The following SERP2 variants were observed in gnomAD, a reference collection of about 807,000 sequenced individuals.
SERP2 encodes stress associated endoplasmic reticulum protein family member 2.
In SERP2, 6 loss-of-function variants were observed where a neutral mutation model predicts 9.1. That is an observed-to-expected ratio of 0.66 (90% confidence interval 0.36 to 1.30). SERP2 has a LOEUF of 1.30. SERP2 is among the 50% of genes most tolerant of loss of function. The pLI is 0.03. For synonymous variants in SERP2, 37 were observed against 27.3 expected (o/e 1.35, Z -1.10); for missense variants, 58 against 81.9 (o/e 0.71, Z 1.13).
At chr13:44,386,952 AT>A (rs1466632347) in intron 2 of SERP2, among the ~76,000 whole-genome samples, 2 of 152,224 alleles carry the variant, frequency 1.3e-5, no homozygotes, top group African/African-American at 4.8e-5. Flanking sequence ...TAATACAAGT[AT>A]TATCTTCCAT....
At chr13:44,395,143 T>C (rs910419380) in intron 2 of SERP2, among the ~76,000 whole-genome samples, 2 of 152,350 alleles carry the variant, frequency 1.3e-5, no homozygotes, top group South Asian at 4.1e-4. Flanking sequence ...TTTTTTTTCC[T>C]AATGTTGAAT....
intron 2 of SERP2, among the ~76,000 whole-genome samples, chr13:44,393,441 G>A (rs1872898464): frequency 6.6e-6 from 1 of 152,154 alleles, no homozygotes; most frequent in Non-Finnish European, 1.5e-5. Context: ...CCTTGACACA[G>A]GTAGGAGGAT....
intron 2 of SERP2, among the ~76,000 whole-genome samples, chr13:44,389,307 G>T (rs1872503343): frequency 6.6e-6 from 1 of 152,148 alleles, no homozygotes; most frequent in African/African-American, 2.4e-5. Flanking sequence ...CCTTGTCTAA[G>T]ATACTTACAC....
At chr13:44,381,434 C>G (rs954451023) in intron 2 of SERP2, among the ~76,000 whole-genome samples, 1 of 151,104 alleles carries the variant, frequency 6.6e-6, no homozygotes, top group African/African-American at 2.4e-5. Context: ...CCCAGCTACT[C>G]AGGAGGCTGA....
At chr13:44,390,382 T>A (rs1406646532) in intron 2 of SERP2, 1 of 444,894 alleles carries the variant, frequency 2.2e-6, no homozygotes, top group East Asian at 7.3e-5. Flanking sequence ...TGGCCTCTCC[T>A]GGAGACTGCC....
chr13:44,374,158 G>GT (rs1219988162), intron 1 of SERP2, 49 bp downstream of exon 1: 37 of 1,021,896 alleles, frequency 3.6e-5, no homozygotes, highest in African/African-American at 5.1e-5. Context: ...GCCCGGCGGG[G>GT]TGGGGCGGAA....
chr13:44,373,883 G>A lies in SERP2; in HGVS notation c.-143G>A, dbSNP rs1466830775. 6.3e-6 allele frequency: 4 copies of A among 634,516 alleles called. No individual in the cohort carries two copies. Among genetic ancestry groups the A allele is most frequent in the African/African-American group, 5.9e-5 (3 of 50,632 alleles). 39.3% of individuals were successfully genotyped at this position (634,516 alleles called of 1,614,324 possible). The stretch of plus-strand genomic sequence containing the variant: ...GGCTAGCCGGGGCTCGGGGAGCGGG[G>A]TGCGCAGGGCTCGGGGCCACGCCTT... On this transcript the variant is annotated 5_prime_UTR_variant, in exon 1 of 3. The change creates a new upstream start codon in the 5' untranslated region. Transcript: ENST00000379179. The surrounding 1 kb of genome is among the most constrained non-coding windows in gnomAD (Gnocchi z 4.8).
intron 1 of SERP2, among the ~76,000 whole-genome samples, chr13:44,374,447 G>A (rs941259223): frequency 2.0e-5 from 3 of 152,210 alleles, no homozygotes; most frequent in Non-Finnish European, 4.4e-5. Context: ...GGAGAAAGAC[G>A]GAAAGCCTCA....
rs920626081 is a variant in SERP2 at position 44,379,169 on chromosome 13, G to T, written c.85-472G>T. Among the ~76,000 whole-genome samples, 54 of 152,308 alleles carry T rather than the reference G, an allele frequency of 3.5e-4. 1 individual carries two copies. Among genetic ancestry groups the T allele is most frequent in the African/African-American group, 1.3e-3 (53 of 41,558 alleles). On this transcript the variant is annotated intron_variant, in intron 1 of 2. Coordinates refer to ENST00000379179, the MANE Select transcript of SERP2 (RefSeq NM_001010897.3). Reference sequence around the variant, plus strand: ...AATACTCAGGCTTTATAATGAGGCAGACCTAAATTTGAATCCCAGCTCTTG... The same window carrying T: ...AATACTCAGGCTTTATAATGAGGCATACCTAAATTTGAATCCCAGCTCTTG...
At position 44,374,046 on chromosome 13, in the gene SERP2, C is replaced by T. The variant is rs138740370; in HGVS notation, c.21C>T (p.Ile7=). 7.4e-5 allele frequency: 118 copies of T among 1,592,140 alleles called. 1 individual carries two copies. The highest frequency in any genetic ancestry group is 9.2e-5 in the Non-Finnish European group (108 of 1,169,850). MVAKQR[I]RMANEKHSKN... Reference sequence around the variant, plus strand: ...AAGCCATGGTGGCCAAACAGCGGATCCGGATGGCTAACGAGAAGCACAGCA... The same window carrying T: ...AAGCCATGGTGGCCAAACAGCGGATTCGGATGGCTAACGAGAAGCACAGCA... The change falls in exon 1 of 3, where the codon ATC becomes ATT. Residue 7 remains isoleucine, a synonymous_variant. Coordinates refer to ENST00000379179, the MANE Select transcript of SERP2 (RefSeq NM_001010897.3).
intron 2 of SERP2, among the ~76,000 whole-genome samples, chr13:44,392,531 G>A (rs1466543104): frequency 6.6e-6 from 1 of 152,114 alleles, no homozygotes; most frequent in African/African-American, 2.4e-5. Flanking sequence ...CTTGGACTAG[G>A]GTGGCTTCTG....
Position 44,387,696 on chromosome 13 carries a change from C to T in SERP2, c.157+7983C>T, listed in dbSNP as rs374024839. On this transcript the variant is annotated intron_variant, in intron 2 of 2. Transcript: ENST00000379179. ...ATCTGAGATGCCACTCTTTGCAATA[C>T]GGTTGTATTTCTCTCTGTCCTGATG... is the stretch of plus-strand genomic sequence containing the variant. Among the ~76,000 whole-genome samples the T allele has an allele frequency of 4.6e-5, 7 of 152,290 alleles. No individual in the cohort carries two copies. The South Asian group carries it at 1.0e-3, about 23-fold the overall frequency.
chr13:44,388,831 C>T (rs941639575), intron 2 of SERP2, among the ~76,000 whole-genome samples: 3 of 152,182 alleles, frequency 2.0e-5, no homozygotes, highest in African/African-American at 4.8e-5. Flanking sequence ...CAGGTCTCTC[C>T]CTGTATGAAT....
intron 1 of SERP2, among the ~76,000 whole-genome samples, chr13:44,375,545 A>C (rs1292881606): frequency 6.6e-6 from 1 of 152,222 alleles, no homozygotes; most frequent in East Asian, 1.9e-4. Flanking sequence ...GCCCGGGTTG[A>C]CATTGAGAAG....
chr13:44,391,730 G>C (rs950339028), intron 2 of SERP2, among the ~76,000 whole-genome samples: 1 of 152,120 alleles, frequency 6.6e-6, no homozygotes, highest in African/African-American at 2.4e-5. Context: ...AGGGTTTGGG[G>C]GGAAGGTGTC....
Position 44,397,704 on chromosome 13 carries a change from G to A in SERP2, c.*392G>A, listed in dbSNP as rs1358847123. 2 of 273,766 alleles carry A rather than the reference G, an allele frequency of 7.3e-6. No individual in the cohort carries two copies. The highest frequency in any genetic ancestry group is 2.3e-5 in the African/African-American group (1 of 44,402). 17.0% of individuals were successfully genotyped at this position (273,766 alleles called of 1,614,324 possible). On this transcript the variant is annotated 3_prime_UTR_variant, in exon 3 of 3. Transcript: ENST00000379179. ...ATTGATTTTACAAATAAATGTCTTC[G>A]TTCAACCTTATACCATGTGTGGGTT...
intron 2 of SERP2, among the ~76,000 whole-genome samples, chr13:44,385,424 C>T (rs1032902652): frequency 1.3e-5 from 2 of 152,232 alleles, no homozygotes; most frequent in Non-Finnish European, 2.9e-5. Context: ...CCGGGGCTGC[C>T]CCACGCCCCC....
chr13:44,397,230 G>A (rs372274801), intron 2 of SERP2, 42 bp from the exon 3 acceptor site: 18 of 1,589,624 alleles, frequency 1.1e-5, no homozygotes, highest in Non-Finnish European at 1.5e-5. Context: ...TTCCAGCTGT[G>A]TGCAGTCTGG....
At chr13:44,396,072 C>A in intron 2 of SERP2, 1 of 231,062 alleles carries the variant, frequency 4.3e-6, no homozygotes, top group South Asian at 5.5e-5. Flanking sequence ...TTGGTATCTC[C>A]AATTTAGAAA....
Sources: gnomAD v4.1 joint callset for allele counts (sites outside exome capture counted in the v4.1 genomes callset) on GRCh38, gnomAD v4.1.1 for gene constraint, Gnocchi (gnomAD v3.1) non-coding constraint, MANE v1.5 for transcripts, NCBI Gene and HGNC (gene_info 2026-07-23, HGNC 2026-07-21) for gene names.